Variants in TMEM39B observed in about 807,000 individuals in gnomAD.
TMEM39B encodes the protein transmembrane protein 39B.
A neutral mutation model predicts 52.2 loss-of-function variants in TMEM39B; 23 were observed. The ratio of observed to expected loss-of-function variants is 0.44; its 90% CI spans 0.32 to 0.62. The LOEUF is 0.62. TMEM39B is among the 20% of genes least tolerant of loss of function. The pLI is 0.06. For synonymous variants in TMEM39B, 285 were observed against 264.0 expected (o/e 1.08, Z -0.77); for missense variants, 547 against 642.0 (o/e 0.85, Z 1.60).
intron 5 of TMEM39B, among the ~76,000 whole-genome samples, chr1:32,088,769 C>G (rs867905238): frequency 1.4e-4 from 22 of 152,098 alleles, no homozygotes; most frequent in African/African-American, 5.3e-4. Flanking sequence ...CAGCGAGATT[C>G]TTTAAGTTTA....
chr1:32,077,328 C>T lies in TMEM39B; in HGVS notation c.590+10C>T. 6.2e-7 allele frequency: 1 copy of T among 1,613,994 alleles called. No homozygotes were observed. Among genetic ancestry groups the T allele is most frequent in the Non-Finnish European group, 8.5e-7 (1 of 1,179,928 alleles). On this transcript the variant is annotated intron_variant, in intron 5 of 8. Coordinates refer to ENST00000336294, the MANE Select transcript of TMEM39B (RefSeq NM_018056.4). ...TGTTCCTCTGCTATCCGTGAGTACC[C>T]CTCACTTCACCCCTCACTGCCCAGC...
At chr1:32,086,877 A>T (rs149672272) in intron 5 of TMEM39B, 2 of 152,370 alleles carry the variant, frequency 1.3e-5, no homozygotes, top group African/African-American at 4.8e-5. Flanking sequence ...GCTTGAGACC[A>T]GTCTGGGCAA....
At chr1:32,075,557 AG>A in intron 2 of TMEM39B, 45 bp from the exon 3 acceptor site, 1 of 1,522,974 alleles carries the variant, frequency 6.6e-7, no homozygotes, top group Non-Finnish European at 8.9e-7. Flanking sequence ...CCTTCCTGGT[AG>A]GATTCTCAGG....
In TMEM39B at chr1:32,075,726, C is replaced by A. The variant is rs1383342244; in HGVS notation, c.255C>A (p.Phe85Leu). The A allele has an allele frequency of 1.2e-5, 19 of 1,551,632 alleles. No individual in the cohort carries two copies. Among genetic ancestry groups the A allele is most frequent in the Non-Finnish European group, 1.6e-5 (18 of 1,147,026 alleles). The change falls in exon 3 of 9, where the codon TTC becomes TTA. Residue 85 changes from phenylalanine to leucine, a missense_variant. By Grantham distance (22) the Phe-to-Leu change is conservative. Transcript: ENST00000336294. ...QASILFELQLFFCQLIALFVH... is the reference protein window; with the variant it reads ...QASILFELQLLFCQLIALFVH... ...GCATTCTGTTTGAGTTGCAGCTCTTCTTCTGCCAGCTCATAGCACTCTTCG... is the reference window on the plus strand; with the variant it reads ...GCATTCTGTTTGAGTTGCAGCTCTTATTCTGCCAGCTCATAGCACTCTTCG...
At chr1:32,082,909 G>A (rs1379162414) in intron 5 of TMEM39B, among the ~76,000 whole-genome samples, 2 of 151,694 alleles carry the variant, frequency 1.3e-5, no homozygotes, top group Admixed American at 1.3e-4. Flanking sequence ...CGAGTAGCTG[G>A]GACTACAGGC....
At position 32,100,544 on chromosome 1, in the gene TMEM39B, C is replaced by G; in HGVS notation, c.1218C>G (p.Val406=). 6.2e-7 allele frequency: 1 copy of G among 1,614,160 alleles called. No homozygotes were observed. Among genetic ancestry groups the G allele is most frequent in the Non-Finnish European group, 8.5e-7 (1 of 1,180,004 alleles). ...ACAACGTGGCTATCCCCTCTGACGT[C>G]TCCCACTTCCGCTTCCATGTGAGTC... ...GHYNVAIPSD[V]SHFRFHFFFS... is the part of the protein sequence containing the mutation. The change falls in exon 8 of 9, where the codon GTC becomes GTG. Residue 406 remains valine (V), a synonymous_variant. Transcript: ENST00000336294.
intron 5 of TMEM39B, among the ~76,000 whole-genome samples, chr1:32,079,435 C>T (rs749343931): frequency 3.3e-5 from 5 of 151,774 alleles, no homozygotes; most frequent in Non-Finnish European, 7.4e-5. Context: ...CTGCCCGCCT[C>T]GGCCTCCCAA....
chr1:32,077,066 C>G (rs1639893698), intron 4 of TMEM39B, 98 bp from the exon 5 acceptor site: 4 of 1,532,628 alleles, frequency 2.6e-6, no homozygotes, highest in South Asian at 1.2e-5. Flanking sequence ...TGCCACCTCT[C>G]CCTGGGTGGG....
In TMEM39B at chr1:32,075,039, T is replaced by G; in HGVS notation, c.93T>G (p.Thr31=). 6.4e-7 allele frequency: 1 copy of G among 1,551,546 alleles called. No homozygotes were observed. The change falls in exon 2 of 9, where the codon ACT becomes ACG. Residue 31 remains threonine, a synonymous_variant. Transcript: ENST00000336294. ...CGGGGGGCTCTAGTGGAAGCCACAC[T>G]TCCAGTGCATCGGTGACCAGTGTTC... ...GSSGGSSGSH[T]SSASVTSVRS...
Position 32,097,759 on chromosome 1 carries a change from G to A in TMEM39B, c.1116-2683G>A, listed in dbSNP as rs181967748. On this transcript the variant is annotated intron_variant, in intron 7 of 8. Transcript: ENST00000336294. Reference sequence around the variant, plus strand: ...TCCCAGGTTCACACCATTCTCCTGCGTCAGCCTCCTGAGTAGCTGGGACTA... The same window carrying A: ...TCCCAGGTTCACACCATTCTCCTGCATCAGCCTCCTGAGTAGCTGGGACTA... 6.7e-3 allele frequency among the ~76,000 whole-genome samples: 1,020 copies of A among 151,586 alleles called. 11 individuals carry two copies. The highest frequency in any genetic ancestry group is 0.024 in the African/African-American group (984 of 41,318).
intron 7 of TMEM39B, 43 bp downstream of exon 7, chr1:32,095,014 G>A (rs748121577): frequency 6.3e-7 from 1 of 1,598,300 alleles, no homozygotes; most frequent in South Asian, 1.1e-5. Context: ...AGCCCTTCTG[G>A]TCAGCATCTG....
intron 5 of TMEM39B, among the ~76,000 whole-genome samples, chr1:32,082,932 G>A (rs562639162): frequency 8.6e-5 from 13 of 151,634 alleles, no homozygotes; most frequent in Admixed American, 5.9e-4. Flanking sequence ...CCGCCACCAC[G>A]CCTGGCTAGT....
chr1:32,085,345 A>G (rs544343480), intron 5 of TMEM39B, among the ~76,000 whole-genome samples: 13 of 151,716 alleles, frequency 8.6e-5, no homozygotes, highest in Non-Finnish European at 1.5e-4. Context: ...GATTTCCTCA[A>G]CTTTATCTTC....
chr1:32,073,556 G>T (rs1639730827), intron 1 of TMEM39B: 1 of 992,894 alleles, frequency 1.0e-6, no homozygotes, highest in Non-Finnish European at 1.2e-6. Flanking sequence ...GGAGCTTCTG[G>T]GCTGAGGGGC....
intron 1 of TMEM39B, chr1:32,073,967 T>C (rs1386661228): frequency 1.5e-5 from 13 of 879,278 alleles, no homozygotes; most frequent in Non-Finnish European, 1.8e-5. Flanking sequence ...CAGGCTGGTC[T>C]CCAACTCCTG....
chr1:32,100,371 C>A, intron 7 of TMEM39B, 71 bp from the exon 8 acceptor site: 2 of 1,482,292 alleles, frequency 1.3e-6, no homozygotes, highest in Non-Finnish European at 1.8e-6. Context: ...TGATTCCCTC[C>A]TGCCCATTCT....
intron 3 of TMEM39B, 118 bp downstream of exon 3, chr1:32,075,940 G>C: frequency 1.5e-6 from 1 of 665,570 alleles, no homozygotes; most frequent in Non-Finnish European, 2.5e-6. Context: ...TGTGCACTTG[G>C]CTCCATGCTG....
In TMEM39B at chr1:32,102,501, A is replaced by G; in HGVS notation, c.1307A>G (p.Gln436Arg). The G allele has an allele frequency of 6.2e-7, 1 of 1,614,134 alleles. No homozygotes were observed. Among genetic ancestry groups the G allele is most frequent in the East Asian group, 2.2e-5 (1 of 44,884 alleles). The change falls in exon 9 of 9, where the codon CAG becomes CGG. Residue 436 changes from glutamine (Q) to arginine (R), a missense_variant. Coordinates refer to ENST00000336294, the MANE Select transcript of TMEM39B (RefSeq NM_018056.4). The stretch of plus-strand genomic sequence containing the variant: ...CTGGAGGGCGCTGTCATTGTCTATC[A>G]GCTGTACTCCCTAATGTCCTCTGAA... Reference protein sequence around the residue: ...LLLEGAVIVYQLYSLMSSEKW... With the variant: ...LLLEGAVIVYRLYSLMSSEKW...
intron 1 of TMEM39B, chr1:32,073,421 C>T (rs552839744): frequency 3.2e-5 from 18 of 556,986 alleles, no homozygotes; most frequent in Admixed American, 2.6e-4. Context: ...GGAGGGGTTA[C>T]ACTGGGGGCG....
Sources: gnomAD v4.1 joint callset for allele counts (sites outside exome capture counted in the v4.1 genomes callset) on GRCh38, gnomAD v4.1.1 for gene constraint, MANE v1.5 for transcripts, NCBI Gene and HGNC (gene_info 2026-07-23, HGNC 2026-07-21) for gene names.